PIK3C2G: variants seen among roughly 807,000 people sequenced by gnomAD.
The protein encoded by PIK3C2G is phosphatidylinositol 3-kinase C2 domain-containing subunit gamma.
Under a neutral mutation model 181.1 loss-of-function variants are expected in PIK3C2G, and 168 were observed. The observed-to-expected ratio is 0.93, with a 90% confidence interval of 0.82 to 1.05. PIK3C2G has a LOEUF of 1.05. PIK3C2G is among the 50% of genes least tolerant of loss of function. PIK3C2G has a pLI of 0.00. For synonymous variants in PIK3C2G, 573 were observed against 592.2 expected (o/e 0.97, Z 0.47); for missense variants, 1,869 against 1,732.8 (o/e 1.08, Z -1.40).
At chr12:18,559,379 T>G (rs1366007152) in intron 26 of PIK3C2G, among the ~76,000 whole-genome samples, 1 of 152,012 alleles carries the variant, frequency 6.6e-6, no homozygotes, top group Non-Finnish European at 1.5e-5. Context: ...AAGATTTGTG[T>G]CGTATGAGCA....
At chr12:18,614,030 TTTG>T (rs1415871558) in intron 31 of PIK3C2G, among the ~76,000 whole-genome samples, 4 of 152,110 alleles carry the variant, frequency 2.6e-5, no homozygotes, top group Non-Finnish European at 5.9e-5. Flanking sequence ...GTCTTAATTT[TTTG>T]TTGTTTTTTA....
At chr12:18,671,319 AT>A in the PIK3C2G span, among the ~76,000 whole-genome samples, 69 of 151,730 alleles carry the variant, frequency 4.5e-4, no homozygotes, top group African/African-American at 1.5e-3. Context: ...AGATATTGGG[AT>A]TTTTTTTTAT....
At chr12:18,500,014 G>C (rs908159658) in intron 22 of PIK3C2G, among the ~76,000 whole-genome samples, 12 of 152,254 alleles carry the variant, frequency 7.9e-5, no homozygotes, top group African/African-American at 2.9e-4. Context: ...CTCGCTCTCG[G>C]CGCCTCCTCT....
At chr12:18,379,300 T>C (rs1361360308) in intron 13 of PIK3C2G, among the ~76,000 whole-genome samples, 1 of 132,160 alleles carries the variant, frequency 7.6e-6, no homozygotes, top group Non-Finnish European at 1.5e-5. Context: ...CACTCATAGG[T>C]GGGAATTGAA....
chr12:18,714,239 C>T, the PIK3C2G span, among the ~76,000 whole-genome samples: 2 of 152,136 alleles, frequency 1.3e-5, no homozygotes, highest in East Asian at 1.9e-4. Flanking sequence ...CAGACACATA[C>T]AAAGAGTTGC....
rs1452204860 is a variant in PIK3C2G at position 18,303,143 on chromosome 12, C to CTTTCT, written c.1034+9131_1034+9132insCTTTT. Reference sequence around the variant, plus strand: ...CTTTCTTTCTTTCTTTCTTTCTTTTCTTTTCTTTCTTCTTTCTCTTTCTTT... The same window carrying CTTTCT: ...CTTTCTTTCTTTCTTTCTTTCTTTTCTTTCTTTTTCTTTCTTCTTTCTCTTTCTTT... On this transcript the variant is annotated intron_variant, in intron 5 of 32. Coordinates refer to ENST00000538779, the MANE Select transcript of PIK3C2G (RefSeq NM_001288772.2). 1.3e-4 allele frequency among the ~76,000 whole-genome samples: 7 copies of CTTTCT among 52,312 alleles called. 1 individual carries two copies. The South Asian group carries it at 4.4e-3, about 33-fold the overall frequency. 34.3% of individuals were successfully genotyped at this position (52,312 alleles called of 152,430 possible).
chr12:18,607,163 A>T (rs1244056349), intron 30 of PIK3C2G: 1 of 517,068 alleles, frequency 1.9e-6, no homozygotes, highest in South Asian at 1.4e-5. Context: ...TTGCGTTTTA[A>T]TTAAGCTTTG....
At chr12:18,536,324 T>G (rs932504434) in intron 24 of PIK3C2G, among the ~76,000 whole-genome samples, 30 of 152,142 alleles carry the variant, frequency 2.0e-4, no homozygotes, top group Admixed American at 2.6e-4. Flanking sequence ...GAGTGCTTAC[T>G]ACATGCTAGG....
At chr12:18,528,080 T>C (rs1592498478) in intron 24 of PIK3C2G, among the ~76,000 whole-genome samples, 1 of 152,172 alleles carries the variant, frequency 6.6e-6, no homozygotes, top group East Asian at 1.9e-4. Context: ...ACATGCACTC[T>C]CATGTTCTCA....
rs1565549815 is a variant in PIK3C2G, at chr12:18,282,076, T to C, written c.-6T>C. 3 of 1,559,790 alleles carry C rather than the reference T, an allele frequency of 1.9e-6. No individual in the cohort carries two copies. The highest frequency in any genetic ancestry group is 2.6e-6 in the Non-Finnish European group (3 of 1,144,952). On this transcript the variant is annotated 5_prime_UTR_variant, in exon 2 of 33. It removes the in-frame stop codon of an upstream open reading frame in the 5' UTR. Transcript: ENST00000538779. ...AGTCAACCCTCTCAGTTACATAAAA[T>C]AAAAAATGGCATATTCTTGGCAAAC...
In PIK3C2G at chr12:18,294,024, T is replaced by C; in HGVS notation, c.1034+9T>C. On this transcript the variant is annotated intron_variant, in intron 5 of 32. Coordinates refer to ENST00000538779, the MANE Select transcript of PIK3C2G (RefSeq NM_001288772.2). ...GAAGAATTTTTACAAAAGTAAGTAT[T>C]TTATGAAATTTTGGTTGTATTATAA... 6 of 1,276,108 alleles carry C rather than the reference T, an allele frequency of 4.7e-6. No individual in the cohort carries two copies. Among genetic ancestry groups the C allele is most frequent in the Non-Finnish European group, 6.8e-6 (6 of 880,480 alleles). 79.0% of individuals were successfully genotyped at this position (1,276,108 alleles called of 1,614,324 possible). A position where few individuals can be genotyped will look rare whatever the true frequency, so the allele number is the denominator to read the frequency against.
chr12:18,412,582 A>G (rs993503507), intron 16 of PIK3C2G, among the ~76,000 whole-genome samples: 5 of 152,188 alleles, frequency 3.3e-5, no homozygotes, highest in African/African-American at 1.2e-4. Context: ...TTTTGGAAAT[A>G]TTCTTTTCAG....
rs1003962770 is a variant in PIK3C2G at position 18,376,892 on chromosome 12, C to A, written c.1881-4874C>A. ...TGATTGGAAGCTTCCTAAGGCCTCC[C>A]AAAAAGCTGAGCAGATGCCAGCACC... On this transcript the variant is annotated intron_variant, in intron 13 of 32. Transcript: ENST00000538779. Among the ~76,000 whole-genome samples, 5 of 152,172 alleles carry A rather than the reference C, an allele frequency of 3.3e-5. No individual in the cohort carries two copies. The East Asian group carries it at 9.6e-4, about 29-fold the overall frequency.
At chr12:18,336,657 A>G (rs75744434) in intron 8 of PIK3C2G, among the ~76,000 whole-genome samples, 4,780 of 152,248 alleles carry the variant, frequency 0.031, 256 homozygotes, top group African/African-American at 0.11. Flanking sequence ...TGGATGACTC[A>G]TAAATTTTTC....
At chr12:18,724,860 T>C in the PIK3C2G span, among the ~76,000 whole-genome samples, 44 of 152,210 alleles carry the variant, frequency 2.9e-4, no homozygotes, top group African/African-American at 9.6e-4. Context: ...AAATAAAAAA[T>C]TATGGTTCTA....
chr12:18,282,797 G>T, intron 2 of PIK3C2G, 38 bp downstream of exon 2: 4 of 1,283,230 alleles, frequency 3.1e-6, no homozygotes, highest in Non-Finnish European at 4.3e-6. Flanking sequence ...ATATGAATCT[G>T]AAAGAATCAT....
intron 24 of PIK3C2G, among the ~76,000 whole-genome samples, chr12:18,514,820 T>C (rs188513681): frequency 5.3e-4 from 80 of 152,082 alleles, no homozygotes; most frequent in African/African-American, 1.9e-3. Context: ...GTCTTCTTGT[T>C]CCGGATCTTA....
chr12:18,281,930 T>G, intron 1 of PIK3C2G, 74 bp from the exon 2 acceptor site: 1 of 591,388 alleles, frequency 1.7e-6, no homozygotes, highest in South Asian at 2.4e-5. Flanking sequence ...TTATAGTTAT[T>G]TATCCTATAT....
chr12:18,271,966 C>A (rs1406071276), intron 1 of PIK3C2G, among the ~76,000 whole-genome samples: 1 of 152,116 alleles, frequency 6.6e-6, no homozygotes, highest in Non-Finnish European at 1.5e-5. Flanking sequence ...TTGTAATCAC[C>A]TCCCATGTCT....
Sources: allele counts gnomAD v4.1 joint callset (sites outside exome capture counted in the v4.1 genomes callset), GRCh38; gene constraint gnomAD v4.1.1; transcripts MANE v1.5; gene names NCBI Gene and HGNC (gene_info 2026-07-23, HGNC 2026-07-21).